Variants in SCTR observed in about 807,000 individuals in gnomAD.
SCTR encodes secretin receptor.
A neutral mutation model predicts 60.8 loss-of-function variants in SCTR; 56 were observed. The observed-to-expected ratio is 0.92, with a 90% CI of 0.74 to 1.15. The LOEUF is 1.15. SCTR is among the 50% of genes most tolerant of loss of function. The pLI is 0.00. For synonymous variants in SCTR, 202 were observed against 217.0 expected, an observed-to-expected ratio of 0.93 and a Z score of 0.61; for missense variants, 562 against 550.4, an observed-to-expected ratio of 1.02 and a Z score of -0.21.
At chr2:119,469,717 T>C (rs1156798500) in intron 4 of SCTR, among the ~76,000 whole-genome samples, 3 of 152,138 alleles carry the variant, frequency 2.0e-5, no homozygotes, top group Non-Finnish European at 2.9e-5. Flanking sequence ...GGTCTTGAGC[T>C]CAGGAGTTCA....
At chr2:119,450,114 GGGAA>G (rs1304947674) in intron 9 of SCTR, among the ~76,000 whole-genome samples, 5 of 146,912 alleles carry the variant, frequency 3.4e-5, no homozygotes, top group African/African-American at 1.3e-4. Context: ...AATGGAGGGA[GGGAA>G]GGAAGGAAAG....
chr2:119,521,286 G>A (rs1229661381), intron 1 of SCTR, among the ~76,000 whole-genome samples: 3 of 152,200 alleles, frequency 2.0e-5, no homozygotes, highest in African/African-American at 7.2e-5. Flanking sequence ...GTGCTTTCAA[G>A]AGGTGATTCT....
At position 119,448,683 on chromosome 2, in the gene SCTR, A is replaced by G; in HGVS notation, c.1013+6T>C. On this transcript the variant is annotated splice_donor_region_variant and intron_variant, in intron 10 of 12. Transcript: ENST00000019103. Reference sequence around the variant, plus strand: ...GACCATGCCTCAGTCTTTGCCCTTCACTTACTTATAATGGCTGACTTCATT... The same window carrying G: ...GACCATGCCTCAGTCTTTGCCCTTCGCTTACTTATAATGGCTGACTTCATT... 6.6e-7 allele frequency: 1 copy of G among 1,518,020 alleles called. No individual in the cohort carries two copies. The highest frequency in any genetic ancestry group is 9.2e-7 in the Non-Finnish European group (1 of 1,092,518). The allele number at this position is 1,518,020 out of a possible 1,614,324, so 94.0% of individuals were successfully genotyped here.
At chr2:119,512,644 T>C in intron 1 of SCTR, among the ~76,000 whole-genome samples, 1 of 152,114 alleles carries the variant, frequency 6.6e-6, no homozygotes. Flanking sequence ...TGATCAACCC[T>C]CCTCAGCCTC....
intron 11 of SCTR, 154 bp from the exon 12 acceptor site, chr2:119,441,753 G>A: frequency 5.9e-6 from 4 of 682,592 alleles, no homozygotes; most frequent in Non-Finnish European, 7.8e-6. Flanking sequence ...GCTACCTCTT[G>A]TGGGCTGCCC....
chr2:119,515,187 G>A (rs1679075323), intron 1 of SCTR, among the ~76,000 whole-genome samples: 2 of 152,164 alleles, frequency 1.3e-5, no homozygotes, highest in South Asian at 4.1e-4. Flanking sequence ...TCTCCAACAG[G>A]GGCCAGAGAA....
intron 7 of SCTR, among the ~76,000 whole-genome samples, chr2:119,461,498 G>A (rs1286876957): frequency 6.6e-6 from 1 of 152,156 alleles, no homozygotes; most frequent in Non-Finnish European, 1.5e-5. Flanking sequence ...GATCACCTGA[G>A]GTCAGGAGTT....
chr2:119,461,979 C>T lies in SCTR; in HGVS notation c.658G>A (p.Val220Met). 2 of 1,607,198 alleles carry T rather than the reference C, an allele frequency of 1.2e-6. No individual in the cohort carries two copies. Among genetic ancestry groups the T allele is most frequent in the African/African-American group, 2.7e-5 (2 of 74,746 alleles). Residue 220 changes from valine to methionine, a missense_variant, in exon 7 of 13, where the codon GTG becomes ATG. Val to Met is a conservative substitution (Grantham distance 21). Coordinates refer to ENST00000019103, the MANE Select transcript of SCTR (RefSeq NM_002980.3). ...AHRAGCKLVM[V>M]LFQYCIMANY... ...GCCATGATGCAGTACTGGAACAGCA[C>T]CATGACCAGCTTGCAGCCCGCCTGG...
chr2:119,519,810 CAAAAAAAA>C (rs71396064), intron 1 of SCTR, among the ~76,000 whole-genome samples: 1 of 58,294 alleles, frequency 1.7e-5, no homozygotes, highest in African/African-American at 6.0e-5. Flanking sequence ...GACTCTGTCT[CAAAAAAAA>C]AAAAAAAAAG....
At chr2:119,517,889 C>T (rs1296427272) in intron 1 of SCTR, among the ~76,000 whole-genome samples, 1 of 152,080 alleles carries the variant, frequency 6.6e-6, no homozygotes, top group Non-Finnish European at 1.5e-5. Flanking sequence ...GAAGCCCTAC[C>T]CCCAGGGTGG....
At position 119,465,880 on chromosome 2, in the gene SCTR, A is replaced by G; in HGVS notation, c.412T>C (p.Tyr138His). The G allele has an allele frequency of 6.2e-7, 1 of 1,612,488 alleles. No homozygotes were observed. Among genetic ancestry groups the G allele is most frequent in the South Asian group, 1.1e-5 (1 of 91,048 alleles). ...NDSSNEKRHS[Y>H]LLKLKVMYTV... The stretch of plus-strand genomic sequence containing the variant: ...TACATGACTTTCAGCTTCAGCAGGT[A>G]GGAGTGCTGCAGAGAGAGGCACGTG... The change falls in exon 5 of 13, where the codon TAC (tyrosine) becomes CAC (histidine). Residue 138 changes from tyrosine (Y) to histidine (H), a missense_variant. Coordinates refer to ENST00000019103, the MANE Select transcript of SCTR (RefSeq NM_002980.3).
chr2:119,465,933 T>C (rs762432308), intron 4 of SCTR, 47 bp from the exon 5 acceptor site: 1 of 1,383,490 alleles, frequency 7.2e-7, no homozygotes. Context: ...CCTGGCTAGC[T>C]CTGCCTTCTG....
intron 1 of SCTR, 41 bp from the exon 2 acceptor site, chr2:119,494,589 C>T (rs1181379947): frequency 4.3e-6 from 7 of 1,609,566 alleles, no homozygotes; most frequent in South Asian, 2.2e-5. Context: ...TTGCCACTAA[C>T]TCAATTTTGC....
At chr2:119,488,898 T>G (rs1678003734) in intron 2 of SCTR, among the ~76,000 whole-genome samples, 1 of 151,790 alleles carries the variant, frequency 6.6e-6, no homozygotes, top group Non-Finnish European at 1.5e-5. Context: ...AAAGGAAGAG[T>G]GGCACCGACT....
In SCTR at chr2:119,524,181, C is replaced by T; in HGVS notation, c.46G>A (p.Val16Met). 6.5e-7 allele frequency: 1 copy of T among 1,531,912 alleles called. No individual in the cohort carries two copies. The highest frequency in any genetic ancestry group is 8.8e-7 in the Non-Finnish European group (1 of 1,138,294). 94.9% of individuals were successfully genotyped at this position (1,531,912 alleles called of 1,614,324 possible). ...GAGTGCGCGGCGCAGGCGAGCAGCA[C>T]CGGCAGTAGTAGCTGCTGCAGCGGC... ...SPPLQQLLLP[V>M]LLACAAHSTG... is the part of the protein sequence containing the mutation. The change falls in exon 1 of 13, where the codon GTG (valine) becomes ATG (methionine). Residue 16 changes from valine to methionine, a missense_variant. Transcript: ENST00000019103.
intron 2 of SCTR, chr2:119,480,686 C>G (rs752019763): frequency 1.3e-5 from 2 of 152,254 alleles, no homozygotes; most frequent in Admixed American, 6.5e-5. Context: ...CATAACAACT[C>G]ACCAATTCTC....
chr2:119,443,404 A>T (rs1411720668), intron 11 of SCTR, among the ~76,000 whole-genome samples: 2 of 152,242 alleles, frequency 1.3e-5, no homozygotes, highest in Non-Finnish European at 2.9e-5. Context: ...GGAAGTAAAC[A>T]CACCAACACT....
intron 1 of SCTR, among the ~76,000 whole-genome samples, chr2:119,508,825 G>A (rs1313078458): frequency 1.3e-5 from 2 of 152,154 alleles, no homozygotes; most frequent in African/African-American, 2.4e-5. Context: ...TGTGTGTGCG[G>A]TGAAAACACT....
chr2:119,513,434 A>C (rs1180703040), intron 1 of SCTR, among the ~76,000 whole-genome samples: 1 of 152,152 alleles, frequency 6.6e-6, no homozygotes, highest in African/African-American at 2.4e-5. Flanking sequence ...TTAATAAGAG[A>C]TTGTCAGAGA....
Sources: gnomAD v4.1 joint callset for allele counts (sites outside exome capture counted in the v4.1 genomes callset) on GRCh38, gnomAD v4.1.1 for gene constraint, MANE v1.5 for transcripts, NCBI Gene and HGNC (gene_info 2026-07-23, HGNC 2026-07-21) for gene names.